The following LDB2 variants were observed in gnomAD, a reference collection of about 807,000 sequenced individuals.
LDB2 encodes the protein LIM domain binding 2, also known as LIM domain-binding protein 2.
LDB2 carries 12 observed loss-of-function variants against 44.3 expected under a neutral mutation model. That is an observed-to-expected ratio of 0.27 (90% CI 0.17 to 0.44). The LOEUF (loss-of-function observed/expected upper bound fraction) is 0.44. Ranked by LOEUF, LDB2 falls within the 20% of genes least tolerant of loss-of-function variation. The pLI is 1.00. For synonymous variants in LDB2, 164 were observed against 174.8 expected (o/e 0.94, Z 0.49); for missense variants, 344 against 473.5 (o/e 0.73, Z 2.54).
At chr4:16,781,022 G>T (rs912059683) in intron 1 of LDB2, among the ~76,000 whole-genome samples, 5 of 152,084 alleles carry the variant, frequency 3.3e-5, no homozygotes, top group Non-Finnish European at 7.4e-5. Context: ...GTTGCCTGGA[G>T]GTGGCTAAGC....
chr4:16,618,852 C>T (rs1165198832), intron 2 of LDB2, among the ~76,000 whole-genome samples: 2 of 152,146 alleles, frequency 1.3e-5, no homozygotes, highest in Non-Finnish European at 2.9e-5. Context: ...GGATTTCTCC[C>T]TGCTGTTCTC....
chr4:16,760,297 C>T (rs930157244), intron 1 of LDB2, among the ~76,000 whole-genome samples: 11 of 152,264 alleles, frequency 7.2e-5, no homozygotes, highest in Middle Eastern at 6.8e-3. Flanking sequence ...CTCTTCTTCC[C>T]ATTAAGTTGC....
intron 1 of LDB2, among the ~76,000 whole-genome samples, chr4:16,766,630 C>G (rs563181171): frequency 5.9e-5 from 9 of 151,388 alleles, no homozygotes; most frequent in Admixed American, 5.9e-4. Flanking sequence ...CTCAGCCACG[C>G]GAGTAGCTGG....
At chr4:16,776,839 C>A (rs796479176) in intron 1 of LDB2, among the ~76,000 whole-genome samples, 1 of 152,160 alleles carries the variant, frequency 6.6e-6, no homozygotes, top group Non-Finnish European at 1.5e-5. Flanking sequence ...CTGCAGGGAA[C>A]GTCTCTTTAG....
intron 1 of LDB2, among the ~76,000 whole-genome samples, chr4:16,864,697 G>T (rs1027846363): frequency 8.5e-5 from 13 of 152,134 alleles, no homozygotes; most frequent in Admixed American, 7.9e-4. Context: ...GGCCGAGGTG[G>T]ATGGATCACC....
At chr4:16,798,418 C>T (rs1307040108) in intron 1 of LDB2, among the ~76,000 whole-genome samples, 1 of 152,006 alleles carries the variant, frequency 6.6e-6, no homozygotes, top group Non-Finnish European at 1.5e-5. Flanking sequence ...AGCAATAGGA[C>T]CCTGAGAATC....
intron 5 of LDB2, among the ~76,000 whole-genome samples, chr4:16,554,418 T>C (rs1738788760): frequency 6.6e-6 from 1 of 152,298 alleles, no homozygotes. Context: ...TTTAAGACTT[T>C]TAATCTACTG....
At chr4:16,594,715 A>G (rs1291027916) in intron 3 of LDB2, among the ~76,000 whole-genome samples, 1 of 152,224 alleles carries the variant, frequency 6.6e-6, no homozygotes. Context: ...ACACATCTTC[A>G]GTTTTATACA....
chr4:16,788,723 A>G (rs1775040378), intron 1 of LDB2, among the ~76,000 whole-genome samples: 1 of 152,234 alleles, frequency 6.6e-6, no homozygotes, highest in South Asian at 2.1e-4. Flanking sequence ...GGAAGGTAGG[A>G]AAGAAGTGAG....
At chr4:16,564,904 G>A (rs569568830) in intron 5 of LDB2, among the ~76,000 whole-genome samples, 2 of 152,272 alleles carry the variant, frequency 1.3e-5, no homozygotes, top group East Asian at 1.9e-4. Context: ...ATGGTCATGA[G>A]GCTCGGATAT....
At chr4:16,635,350 T>G (rs115764657) in intron 2 of LDB2, among the ~76,000 whole-genome samples, 1 of 152,016 alleles carries the variant, frequency 6.6e-6, no homozygotes, top group Non-Finnish European at 1.5e-5. Flanking sequence ...TACACCAAGA[T>G]AGTAAATGGA....
At chr4:16,778,547 C>T (rs1342575684) in intron 1 of LDB2, among the ~76,000 whole-genome samples, 1 of 152,166 alleles carries the variant, frequency 6.6e-6, no homozygotes, top group East Asian at 1.9e-4. Flanking sequence ...CTGTCTTCCC[C>T]CTCAGCCTTC....
chr4:16,826,925 T>C (rs556600720), intron 1 of LDB2, among the ~76,000 whole-genome samples: 13 of 152,168 alleles, frequency 8.5e-5, no homozygotes, highest in Non-Finnish European at 1.8e-4. Context: ...GGCGGGTAAT[T>C]TGAGATTGAT....
intron 5 of LDB2, among the ~76,000 whole-genome samples, chr4:16,515,833 TTTATTTATTTATTTATTTTA>T (rs1019723424): frequency 8.1e-5 from 3 of 37,172 alleles, no homozygotes; most frequent in African/African-American, 1.5e-4. Context: ...GTATGGATTA[TTTATTTATTTATTTATTTTA>T]TTATTTATTT....
intron 2 of LDB2, among the ~76,000 whole-genome samples, chr4:16,675,279 A>G (rs1745989629): frequency 6.6e-6 from 1 of 152,044 alleles, no homozygotes; most frequent in African/African-American, 2.4e-5. Context: ...TTTTCTGTCC[A>G]CTCGTTTGAG....
At chr4:16,519,715 GGCCAAGAATTTTA>G (rs1725262107) in intron 5 of LDB2, among the ~76,000 whole-genome samples, 2 of 151,052 alleles carry the variant, frequency 1.3e-5, no homozygotes, top group South Asian at 4.2e-4. Context: ...ATGTGTTCTT[GGCCAAGAATTTTA>G]GCCTCTCTGA....
At chr4:16,830,912 C>T (rs1783944762) in intron 1 of LDB2, among the ~76,000 whole-genome samples, 1 of 152,106 alleles carries the variant, frequency 6.6e-6, no homozygotes, top group Non-Finnish European at 1.5e-5. Context: ...AATAAGGGCT[C>T]CTGATGGTTC....
chr4:16,541,889 GT>G (rs76240207), intron 5 of LDB2, among the ~76,000 whole-genome samples: 8,897 of 151,914 alleles, frequency 0.059, 361 homozygotes, highest in Admixed American at 0.11. Flanking sequence ...TATTGAAAAG[GT>G]TTTTTTTCTA....
chr4:16,595,569 A>T (rs921824588), intron 3 of LDB2, 134 bp downstream of exon 3: 1 of 712,570 alleles, frequency 1.4e-6, no homozygotes, highest in Non-Finnish European at 2.3e-6. Flanking sequence ...CAAACAAGAA[A>T]GATTCTCTCA....
Sources: allele counts gnomAD v4.1 joint callset (sites outside exome capture counted in the v4.1 genomes callset), GRCh38; gene constraint gnomAD v4.1.1; transcripts MANE v1.5; gene names NCBI Gene and HGNC (gene_info 2026-07-23, HGNC 2026-07-21).